UTRN: variants seen among roughly 807,000 people sequenced by gnomAD.
The protein encoded by UTRN is utrophin.
Under a neutral mutation model 463.9 loss-of-function variants are expected in UTRN, and 283 were observed. The observed-to-expected ratio is 0.61, with a 90% CI of 0.55 to 0.67. The LOEUF (loss-of-function observed/expected upper bound fraction) is 0.67, where lower values mean the gene tolerates loss of function less well. UTRN is among the 30% of genes least tolerant of loss of function. The probability of loss-of-function intolerance (pLI) is 0.00; values close to 1 mark genes in which losing one functional copy is unlikely to be tolerated. For synonymous variants in UTRN, 1,442 were observed against 1,431.5 expected (o/e 1.01, Z -0.17); for missense variants, 3,922 against 4,084.3 (o/e 0.96, Z 1.08).
At chr6:144,580,694 C>T (rs550089582) in intron 51 of UTRN, among the ~76,000 whole-genome samples, 2 of 152,278 alleles carry the variant, frequency 1.3e-5, no homozygotes, top group African/African-American at 4.8e-5. Context: ...CAGTCCAGCT[C>T]ATAGAGGGTC....
At chr6:144,561,362 CTG>C (rs148436370) in intron 50 of UTRN, among the ~76,000 whole-genome samples, 3,177 of 149,242 alleles carry the variant, frequency 0.021, 101 homozygotes, top group African/African-American at 0.073. Flanking sequence ...ACACATATAA[CTG>C]TGTGTATAGA....
chr6:144,310,530 C>T (rs1175785068), intron 2 of UTRN, among the ~76,000 whole-genome samples: 9 of 128,334 alleles, frequency 7.0e-5, no homozygotes, highest in East Asian at 2.3e-4. Flanking sequence ...AGTGAAACTC[C>T]GTCTCAAAAA....
At chr6:144,518,162 A>G (rs991711542) in intron 39 of UTRN, among the ~76,000 whole-genome samples, 2 of 152,150 alleles carry the variant, frequency 1.3e-5, no homozygotes, top group Admixed American at 6.5e-5. Context: ...ATTTTCTCCC[A>G]TGATATTATA....
rs745504827 is a variant in UTRN at position 144,511,029 on chromosome 6, G to A, written c.4850G>A (p.Gly1617Asp). 6.2e-7 allele frequency: 1 copy of A among 1,613,350 alleles called. No individual in the cohort carries two copies. Among genetic ancestry groups the A allele is most frequent in the Non-Finnish European group, 8.5e-7 (1 of 1,179,496 alleles). The change falls in exon 35 of 75, where the codon GGC (glycine) becomes GAC (aspartate). Residue 1617 changes from glycine (G) to aspartate (D), a missense_variant. Coordinates refer to ENST00000367545, the MANE Select transcript of UTRN (RefSeq NM_007124.3). ...GCTGCCCTGCAAAACTTGATTGAGG[G>A]CAGTGAGCCTATTTTAGAAGAGAGG... The part of the protein sequence containing the change: ...SSAALQNLIE[G>D]SEPILEERLC...
chr6:144,750,343 T>C (rs1338755868), intron 55 of UTRN, among the ~76,000 whole-genome samples: 1 of 152,160 alleles, frequency 6.6e-6, no homozygotes, highest in Non-Finnish European at 1.5e-5. Flanking sequence ...AAAAAAACTA[T>C]CTCAACTCTT....
chr6:144,489,599 ATAT>A (rs927620709), intron 30 of UTRN, among the ~76,000 whole-genome samples: 17 of 152,008 alleles, frequency 1.1e-4, no homozygotes, highest in African/African-American at 2.7e-4. Flanking sequence ...GCAGTGGGCC[ATAT>A]TATTATTATT....
intron 2 of UTRN, among the ~76,000 whole-genome samples, chr6:144,348,925 A>G (rs1170016607): frequency 6.6e-6 from 1 of 150,660 alleles, no homozygotes; most frequent in Non-Finnish European, 1.5e-5. Context: ...CAAGAGCGAA[A>G]CTCCATCTCA....
At chr6:144,749,663 TA>T (rs1791173101) in intron 55 of UTRN, among the ~76,000 whole-genome samples, 1 of 152,178 alleles carries the variant, frequency 6.6e-6, no homozygotes, top group African/African-American at 2.4e-5. Flanking sequence ...ACTTTCTTGA[TA>T]GAAAGACTCC....
At chr6:144,676,769 C>T (rs1781643729) in intron 51 of UTRN, among the ~76,000 whole-genome samples, 2 of 152,034 alleles carry the variant, frequency 1.3e-5, no homozygotes, top group African/African-American at 4.8e-5. Flanking sequence ...TAAAAATATT[C>T]TTTTAACATT....
chr6:144,529,292 C>T (rs1267954264), intron 41 of UTRN, among the ~76,000 whole-genome samples: 3 of 152,214 alleles, frequency 2.0e-5, no homozygotes, highest in Non-Finnish European at 2.9e-5. Flanking sequence ...TCCAGTTCCT[C>T]GGCTCTCCCA....
chr6:144,408,631 A>G (rs1011436663), intron 3 of UTRN, among the ~76,000 whole-genome samples: 6 of 152,248 alleles, frequency 3.9e-5, no homozygotes, highest in African/African-American at 1.4e-4. Context: ...TTGAAATTCA[A>G]ATTGACAGAA....
chr6:144,434,448 G>A (rs751014518), intron 9 of UTRN, among the ~76,000 whole-genome samples: 2 of 152,176 alleles, frequency 1.3e-5, no homozygotes, highest in Non-Finnish European at 2.9e-5. Flanking sequence ...TGGCTCCCAG[G>A]TTTGTAGCTG....
chr6:144,783,932 A>G (rs1188637604), intron 61 of UTRN, among the ~76,000 whole-genome samples: 1 of 152,176 alleles, frequency 6.6e-6, no homozygotes, highest in East Asian at 1.9e-4. Context: ...TTTAATGCAC[A>G]TTTTAAGTTC....
At chr6:144,447,382 A>C in intron 15 of UTRN, 64 bp downstream of exon 15, 1 of 1,507,536 alleles carries the variant, frequency 6.6e-7, no homozygotes, top group Non-Finnish European at 9.1e-7. Flanking sequence ...TTTATAGCTA[A>C]TGGTTAGTAG....
intron 25 of UTRN, among the ~76,000 whole-genome samples, chr6:144,478,135 AG>A: frequency 6.6e-6 from 1 of 152,372 alleles, no homozygotes; most frequent in Admixed American, 6.5e-5. Flanking sequence ...TTTGCTAAAA[AG>A]AACAGGCATA....
At chr6:144,533,395 G>T (rs1424736435) in intron 43 of UTRN, 135 bp downstream of exon 43, 6 of 1,398,890 alleles carry the variant, frequency 4.3e-6, no homozygotes, top group African/African-American at 1.5e-5. Flanking sequence ...GACCTCCACT[G>T]CCCACGTTCT....
intron 2 of UTRN, among the ~76,000 whole-genome samples, chr6:144,342,980 G>A (rs1777263171): frequency 6.6e-6 from 1 of 152,058 alleles, no homozygotes; most frequent in Non-Finnish European, 1.5e-5. Context: ...GAGGCTTAGA[G>A]AGAGAGAGAG....
chr6:144,450,018 T>G (rs139414506), intron 17 of UTRN, among the ~76,000 whole-genome samples: 5 of 152,300 alleles, frequency 3.3e-5, no homozygotes, highest in African/African-American at 1.2e-4. Flanking sequence ...CAATCAGTGA[T>G]CGTGACTCCT....
chr6:144,436,183 C>A, intron 10 of UTRN, 45 bp downstream of exon 10: 1 of 1,569,584 alleles, frequency 6.4e-7, no homozygotes. Flanking sequence ...CCCACGGGAC[C>A]TGAGCCTTAA....
Sources: gnomAD v4.1 joint callset for allele counts (sites outside exome capture counted in the v4.1 genomes callset) on GRCh38, gnomAD v4.1.1 for gene constraint, MANE v1.5 for transcripts, NCBI Gene and HGNC (gene_info 2026-07-23, HGNC 2026-07-21) for gene names.